LTBP4: variants seen among roughly 807,000 people sequenced by gnomAD.
LTBP4 encodes the protein latent-transforming growth factor beta-binding protein 4.
LTBP4 carries 93 observed loss-of-function variants against 180.2 expected under a neutral mutation model. The observed-to-expected ratio is 0.52, with a 90% CI of 0.44 to 0.61. The LOEUF is 0.61. Among genes scored for constraint, LTBP4 ranks in the 20% least tolerant of loss-of-function variants. The pLI is 0.00. For synonymous variants in LTBP4, 947 were observed against 934.5 expected (o/e 1.01, Z -0.24); for missense variants, 2,116 against 2,256.5 (o/e 0.94, Z 1.26).
chr19:40,593,702 A>ATT (rs5828072), intron 1 of LTBP4, among the ~76,000 whole-genome samples: 2,531 of 150,292 alleles, frequency 0.017, 38 homozygotes, highest in South Asian at 0.036. Flanking sequence ...TATTAGAGTC[A>ATT]TTTTTTTTTC....
intron 22 of LTBP4, among the ~76,000 whole-genome samples, chr19:40,621,966 C>A (rs1298582299): frequency 6.6e-6 from 1 of 152,160 alleles, no homozygotes; most frequent in Non-Finnish European, 1.5e-5. Context: ...TCAGGCTGGT[C>A]TCGAACTCCT....
rs773384695 is a variant in LTBP4, at chr19:40,627,787, C to G, written c.4449C>G (p.Arg1483=). Residue 1483 remains arginine (R), a synonymous_variant, in exon 29 of 30, where the codon CGC becomes CGG. Coordinates refer to ENST00000396819, the MANE Select transcript of LTBP4 (RefSeq NM_001042545.2). The part of the protein sequence containing the change: ...LDGCTNGRCV[R]VPEGFTCRCF... ...GCTGCACCAACGGCCGCTGCGTGCG[C>G]GTCCCCGAAGGCTTCACCTGCCGTT... 7.0e-6 allele frequency: 11 copies of G among 1,569,578 alleles called. No individual in the cohort carries two copies. Among genetic ancestry groups the G allele is most frequent in the Non-Finnish European group, 9.5e-6 (11 of 1,161,848 alleles).
intron 21 of LTBP4, among the ~76,000 whole-genome samples, chr19:40,618,970 G>A (rs1206670271): frequency 1.3e-5 from 2 of 152,092 alleles, no homozygotes; most frequent in African/African-American, 4.8e-5. Context: ...AACATCTCCA[G>A]TGGGCCACCC....
Position 40,619,488 on chromosome 19 carries a change from C to G in LTBP4, c.3212C>G (p.Ser1071Cys). 1.2e-6 allele frequency: 2 copies of G among 1,609,566 alleles called. No individual in the cohort carries two copies. The highest frequency in any genetic ancestry group is 1.7e-4 in the Middle Eastern group (1 of 6,040). ...MTGRCVPPRT[S>C]AGTFPGSQPQ... is the part of the protein sequence containing the mutation. The stretch of plus-strand genomic sequence containing the variant: ...GGACGCTGTGTTCCCCCACGAACTT[C>G]TGCTGGTGAGACTGATGTGTCTATT... Residue 1071 changes from serine to cysteine, a missense_variant, in exon 22 of 30, where the codon TCT becomes TGT. By Grantham distance (112) the Ser-to-Cys change is moderately radical (BLOSUM62 -1). This residue lies in a region of LTBP4 where 278 missense variants were observed against 373.0 expected (regional missense o/e 0.75). Coordinates refer to ENST00000396819, the MANE Select transcript of LTBP4 (RefSeq NM_001042545.2).
At position 40,605,026 on chromosome 19, in the gene LTBP4, T is replaced by C; in HGVS notation, c.251-9T>C. 1 of 1,599,950 alleles carries C rather than the reference T, an allele frequency of 6.3e-7. No homozygotes were observed. Among genetic ancestry groups the C allele is most frequent in the South Asian group, 1.1e-5 (1 of 90,458 alleles). ...GTGGCGCCCCTGAGTGTCCTCGTTC[T>C]CCTCCCAGTCCTGTGTCCCTTGATC... On this transcript the variant is annotated splice_polypyrimidine_tract_variant and intron_variant, in intron 1 of 29. Coordinates refer to ENST00000396819, the MANE Select transcript of LTBP4 (RefSeq NM_001042545.2). The surrounding 1 kb of genome is among the most constrained non-coding windows in gnomAD (Gnocchi z 5.5).
At chr19:40,621,262 C>T (rs528736564) in intron 22 of LTBP4, among the ~76,000 whole-genome samples, 1 of 152,222 alleles carries the variant, frequency 6.6e-6, no homozygotes, top group African/African-American at 2.4e-5. Context: ...GTTTTTCAAC[C>T]CTTGTACCTC....
rs1568414373 is a variant in LTBP4 at position 40,625,281 on chromosome 19, TATATATATATATA to T, written c.3833-575_3833-563del. Among the ~76,000 whole-genome samples, 77 of 9,806 alleles carry T rather than the reference TATATATATATATA, an allele frequency of 7.9e-3. 15 individuals are homozygous for T. Among genetic ancestry groups the T allele is most frequent in the African/African-American group, 0.011 (11 of 1,032 alleles). 6.4% of individuals were successfully genotyped at this position (9,806 alleles called of 152,430 possible). ...ATATATATATATATATATATATATATATATATATATATATATATATATATATATATATATATTT... is the reference window on the plus strand; with the variant it reads ...ATATATATATATATATATATATATATTATATATATATATATATATATATTT... On this transcript the variant is annotated intron_variant, in intron 26 of 29. Coordinates refer to ENST00000396819, the MANE Select transcript of LTBP4 (RefSeq NM_001042545.2).
In LTBP4 at chr19:40,624,138, C is replaced by T. The variant is rs1381312000; in HGVS notation, c.3832+56C>T. The T allele has an allele frequency of 2.7e-6, 4 of 1,466,544 alleles. No homozygotes were observed. In the East Asian group the frequency reaches 7.5e-5, roughly 27 times the overall value. The allele number at this position is 1,466,544 out of a possible 1,614,324, so 90.8% of individuals were successfully genotyped here. ...TTCCCTTGGCTCGGCCTCACACCCG[C>T]ACCCGGGCCACACCTTTGCGACGGC... On this transcript the variant is annotated intron_variant, in intron 26 of 29. Transcript: ENST00000396819.
In LTBP4 at chr19:40,609,366, G is replaced by A. The variant is rs2081487433; in HGVS notation, c.1427-164G>A. ...ATTCGGCCAAGGATCTGATGAGAAC[G>A]TTCCAGGATAAAAAAGATGGAGATC... On this transcript the variant is annotated intron_variant, in intron 9 of 29. Coordinates refer to ENST00000396819, the MANE Select transcript of LTBP4 (RefSeq NM_001042545.2). This position sits in a 1 kb window ranked among gnomAD's most constrained non-coding sequence, Gnocchi z 4.9. Among the ~76,000 whole-genome samples, 1 of 152,138 alleles carries A rather than the reference G, an allele frequency of 6.6e-6. No homozygotes were observed. Among genetic ancestry groups the A allele is most frequent in the Non-Finnish European group, 1.5e-5 (1 of 68,026 alleles).
At chr19:40,599,117 G>C, upstream of LTBP4, 1 of 1,349,094 alleles carries the variant, frequency 7.4e-7, no homozygotes, top group Admixed American at 2.0e-5. Flanking sequence ...ATGCGTCTTG[G>C]TTTCCCCTCC....
upstream of LTBP4, chr19:40,599,190 T>C (rs2081406865): frequency 6.2e-7 from 1 of 1,604,542 alleles, no homozygotes; most frequent in East Asian, 2.2e-5. Flanking sequence ...CACTCCACTA[T>C]TTATAGCGTT....
At position 40,611,883 on chromosome 19, in the gene LTBP4, C is replaced by A. The variant is rs937403912; in HGVS notation, c.2078C>A (p.Pro693His). 8 of 1,608,082 alleles carry A rather than the reference C, an allele frequency of 5.0e-6. No individual in the cohort carries two copies. Among genetic ancestry groups the A allele is most frequent in the Non-Finnish European group, 5.9e-6 (7 of 1,177,548 alleles). ...GATGTGGATGAGTGTGCCCGAAGCCCCCCACCCTGCACCTACGGCCGGTGT... is the reference window on the plus strand; with the variant it reads ...GATGTGGATGAGTGTGCCCGAAGCCACCCACCCTGCACCTACGGCCGGTGT... The part of the protein sequence containing the change: ...CQDVDECARS[P>H]PPCTYGRCEN... The change falls in exon 14 of 30, where the codon CCC becomes CAC. Residue 693 changes from proline to histidine, a missense_variant. Coordinates refer to ENST00000396819, the MANE Select transcript of LTBP4 (RefSeq NM_001042545.2). The surrounding 1 kb of genome is among the most constrained non-coding windows in gnomAD (Gnocchi z 4.4).
At chr19:40,621,995 C>T (rs866378382) in intron 22 of LTBP4, among the ~76,000 whole-genome samples, 6 of 152,126 alleles carry the variant, frequency 3.9e-5, no homozygotes, top group Non-Finnish European at 8.8e-5. Context: ...GTAATCCAAC[C>T]GCGTCGGCCT....
In LTBP4 at chr19:40,627,809, C is replaced by T. The variant is rs778109559; in HGVS notation, c.4471C>T (p.Arg1491Cys). The T allele has an allele frequency of 1.9e-6, 3 of 1,572,570 alleles. No individual in the cohort carries two copies. The highest frequency in any genetic ancestry group is 1.2e-5 in the South Asian group (1 of 85,936). The stretch of plus-strand genomic sequence containing the variant: ...GCGCGTCCCCGAAGGCTTCACCTGC[C>T]GTTGCTTCGACGGCTACCGCCTGGA... The part of the protein sequence containing the change: ...CVRVPEGFTC[R>C]CFDGYRLDMT... The change falls in exon 29 of 30, where the codon CGT (arginine) becomes TGT (cysteine). Residue 1491 changes from arginine to cysteine, a missense_variant. Around this residue, in one of 5 missense-constraint regions of LTBP4, gnomAD observed 488 missense variants for 458.8 expected, o/e 1.06. Coordinates refer to ENST00000396819, the MANE Select transcript of LTBP4 (RefSeq NM_001042545.2).
At chr19:40,607,318 A>C (rs932873305) in intron 6 of LTBP4, 47 bp from the exon 7 acceptor site, 2 of 1,522,816 alleles carry the variant, frequency 1.3e-6, no homozygotes, top group African/African-American at 2.9e-5. Context: ...TCAGTGCTAC[A>C]GCATTCCCAG....
Position 40,613,356 on chromosome 19 carries a change from C to A in LTBP4, c.2432-48C>A, listed in dbSNP as rs530649925. On this transcript the variant is annotated intron_variant, in intron 16 of 29. Transcript: ENST00000396819. The surrounding 1 kb of genome is among the most constrained non-coding windows in gnomAD (Gnocchi z 5.0). ...TTACTGCGATGTGGGCGGAGCTTGT[C>A]TGGGAGGCCGGGTCCCGTGACTCCG... The A allele has an allele frequency of 7.6e-6, 12 of 1,586,160 alleles. 1 individual carries two copies. The Admixed American group carries it at 2.1e-4, about 28-fold the overall frequency.
At chr19:40,597,220 T>G, upstream of LTBP4, 1 of 1,467,924 alleles carries the variant, frequency 6.8e-7, no homozygotes, top group South Asian at 1.3e-5. Flanking sequence ...GGAGCGGGAC[T>G]CGGCGCCCGA....
chr19:40,622,574 G>A lies in LTBP4; in HGVS notation c.3391G>A (p.Ala1131Thr), dbSNP rs1402343790. ...AAPDACDNIL[A>T]RNVTWQECCC... is the part of the protein sequence containing the mutation. ...CCCGGATGCATGTGACAACATCCTG[G>A]CTCGGAATGTGACATGGCAGGAGTG... The change falls in exon 23 of 30, where the codon GCT becomes ACT. Residue 1131 changes from alanine (A) to threonine (T), a missense_variant. Ala to Thr is a moderately conservative substitution (Grantham distance 58, BLOSUM62 0). This residue lies in a region of LTBP4 where 278 missense variants were observed against 373.0 expected (regional missense o/e 0.75). Transcript: ENST00000396819. The surrounding 1 kb of genome is among the most constrained non-coding windows in gnomAD (Gnocchi z 5.1). 1 of 1,613,856 alleles carries A rather than the reference G, an allele frequency of 6.2e-7. No homozygotes were observed.
rs749039383 is a variant in LTBP4 at position 40,611,325 on chromosome 19, A to C, written c.1984A>C (p.Thr662Pro). Residue 662 changes from threonine to proline, a missense_variant, in exon 13 of 30, where the codon ACG becomes CCG. Thr to Pro is a conservative substitution (Grantham distance 38, BLOSUM62 -1). Coordinates refer to ENST00000396819, the MANE Select transcript of LTBP4 (RefSeq NM_001042545.2). The surrounding 1 kb of genome is among the most constrained non-coding windows in gnomAD (Gnocchi z 4.4). ...PPCGPGRCDNTAGSFHCACPA... is the reference protein window; with the variant it reads ...PPCGPGRCDNPAGSFHCACPA... ...CTGTGGGCCCGGCCGCTGTGACAAC[A>C]CGGCAGGCTCCTTTCACTGTGCCTG... The C allele has an allele frequency of 3.7e-6, 6 of 1,611,754 alleles. No homozygotes were observed. In the South Asian group the frequency reaches 5.5e-5, roughly 15 times the overall value.
Sources: allele counts gnomAD v4.1 joint callset (sites outside exome capture counted in the v4.1 genomes callset), GRCh38; gene constraint gnomAD v4.1.1; regional missense constraint gnomAD v4.1.1; non-coding constraint Gnocchi (gnomAD v3.1); transcripts MANE v1.5; gene names NCBI Gene and HGNC (gene_info 2026-07-23, HGNC 2026-07-21).